The following UBE2E2 variants were observed in gnomAD, a reference collection of about 807,000 sequenced individuals.
UBE2E2 encodes the protein ubiquitin conjugating enzyme E2 E2.
A neutral mutation model predicts 24.7 loss-of-function variants in UBE2E2; 6 were observed. That is an observed-to-expected ratio of 0.24 (90% confidence interval 0.13 to 0.48). UBE2E2 has a LOEUF of 0.48. Ranked by LOEUF, UBE2E2 falls within the 20% of genes least tolerant of loss-of-function variation. The pLI, the probability that UBE2E2 is intolerant of heterozygous loss-of-function variation, is 0.99. For synonymous variants in UBE2E2, 104 were observed against 83.6 expected (o/e 1.24, Z -1.33); for missense variants, 169 against 245.0 (o/e 0.69, Z 2.07).
chr3:23,222,726 T>C (rs906210104), intron 3 of UBE2E2, among the ~76,000 whole-genome samples: 26 of 152,152 alleles, frequency 1.7e-4, no homozygotes, highest in African/African-American at 6.3e-4. Flanking sequence ...TATATAAATA[T>C]ATATACCCAG....
chr3:23,298,244 T>G (rs939669058), intron 3 of UBE2E2, among the ~76,000 whole-genome samples: 2 of 152,186 alleles, frequency 1.3e-5, no homozygotes, highest in African/African-American at 4.8e-5. Context: ...CAGGGACAAT[T>G]TGACTTCCTC....
chr3:23,263,875 T>G (rs1204290124), intron 3 of UBE2E2, among the ~76,000 whole-genome samples: 1 of 152,174 alleles, frequency 6.6e-6, no homozygotes, highest in Non-Finnish European at 1.5e-5. Flanking sequence ...ATAGGTCAGT[T>G]GTATCTTAGA....
rs79643947 is a variant in UBE2E2, at chr3:23,359,328, A to G, written c.228-140280A>G. On this transcript the variant is annotated intron_variant, in intron 3 of 5. Coordinates refer to ENST00000396703, the MANE Select transcript of UBE2E2 (RefSeq NM_152653.4). ...CAGGTTTTTAGAATGTAGATCAACA[A>G]GATAAGAGTTGTACTAGGCCTTCAT... is the stretch of plus-strand genomic sequence containing the variant. Among the ~76,000 whole-genome samples, 76 of 152,306 alleles carry G rather than the reference A, an allele frequency of 5.0e-4. No individual in the cohort carries two copies. The East Asian group carries it at 5.8e-3, about 12-fold the overall frequency.
In UBE2E2 at chr3:23,380,774, C is replaced by T. The variant is rs569553033; in HGVS notation, c.228-118834C>T. On this transcript the variant is annotated intron_variant, in intron 3 of 5. Transcript: ENST00000396703. ...CCCCCTTGATTTAGAATTGGATTCT[C>T]TAGTACTCTGTATTTCAGGTACAGT... 3.3e-5 allele frequency among the ~76,000 whole-genome samples: 5 copies of T among 152,264 alleles called. No homozygotes were observed. The South Asian group carries it at 1.0e-3, about 32-fold the overall frequency.
intron 1 of UBE2E2, 106 bp downstream of exon 1, chr3:23,203,570 T>C: frequency 1.4e-6 from 1 of 698,586 alleles, no homozygotes; most frequent in Non-Finnish European, 1.8e-6. Context: ...GGTCTCTGCT[T>C]ACACCGCTCG....
At chr3:23,212,048 T>C (rs1268747438) in intron 2 of UBE2E2, among the ~76,000 whole-genome samples, 2 of 152,226 alleles carry the variant, frequency 1.3e-5, no homozygotes, top group African/African-American at 4.8e-5. Flanking sequence ...TGCTCAGTTA[T>C]TATATGAAAT....
chr3:23,329,883 A>G (rs549965354), intron 3 of UBE2E2, among the ~76,000 whole-genome samples: 1 of 152,346 alleles, frequency 6.6e-6, no homozygotes, highest in Non-Finnish European at 1.5e-5. Context: ...TTAAAACTTG[A>G]CCACTCTGGA....
intron 3 of UBE2E2, among the ~76,000 whole-genome samples, chr3:23,457,591 C>G (rs1198247333): frequency 1.3e-5 from 2 of 152,086 alleles, no homozygotes; most frequent in East Asian, 3.9e-4. Context: ...GTGGCGTGAT[C>G]ACAGCTCACT....
chr3:23,566,031 A>G (rs1328474914), intron 5 of UBE2E2, among the ~76,000 whole-genome samples: 1 of 152,200 alleles, frequency 6.6e-6, no homozygotes, highest in Non-Finnish European at 1.5e-5. Flanking sequence ...GTTTTAATGT[A>G]TAAGCCAACA....
chr3:23,368,610 CTA>C (rs763532927), intron 3 of UBE2E2, among the ~76,000 whole-genome samples: 1 of 152,122 alleles, frequency 6.6e-6, no homozygotes, highest in Admixed American at 6.5e-5. Flanking sequence ...GAATACTTTT[CTA>C]TGTTATTATT....
intron 3 of UBE2E2, among the ~76,000 whole-genome samples, chr3:23,249,928 C>G (rs578236026): frequency 2.0e-5 from 3 of 152,250 alleles, no homozygotes; most frequent in East Asian, 1.9e-4. Context: ...AGTGCTGGGA[C>G]TACAGGCGTG....
chr3:23,217,894 A>G (rs1696521921), intron 3 of UBE2E2, among the ~76,000 whole-genome samples: 1 of 152,104 alleles, frequency 6.6e-6, no homozygotes, highest in African/African-American at 2.4e-5. Context: ...TTACCTGGAA[A>G]TGGTTAATGT....
intron 2 of UBE2E2, among the ~76,000 whole-genome samples, chr3:23,215,932 C>T (rs1696464291): frequency 6.6e-6 from 1 of 152,080 alleles, no homozygotes; most frequent in Non-Finnish European, 1.5e-5. Flanking sequence ...TAAATATGGG[C>T]AATATGTACT....
intron 3 of UBE2E2, among the ~76,000 whole-genome samples, chr3:23,356,993 T>C (rs1413449074): frequency 1.3e-5 from 2 of 152,212 alleles, no homozygotes; most frequent in African/African-American, 2.4e-5. Context: ...AGTTTAGCAA[T>C]CCAGACTGCT....
rs1433484693 is a variant in UBE2E2, at chr3:23,590,873, G to GA, written c.*1045dup. ...GTAACTCCAAAAATAGCCTTCTTGTGAAAGTGAAGTCTGAGCTAATCATTG... is the reference window on the plus strand; with the variant it reads ...GTAACTCCAAAAATAGCCTTCTTGTGAAAAGTGAAGTCTGAGCTAATCATTG... On this transcript the variant is annotated 3_prime_UTR_variant, in exon 6 of 6. Transcript: ENST00000396703. The GA allele has an allele frequency of 3.9e-5, 6 of 152,156 alleles. No homozygotes were observed. Among genetic ancestry groups the GA allele is most frequent in the African/African-American group, 1.4e-4 (6 of 41,424 alleles). 9.4% of individuals were successfully genotyped at this position (152,156 alleles called of 1,614,324 possible).
chr3:23,248,952 A>G (rs775367352), intron 3 of UBE2E2, among the ~76,000 whole-genome samples: 59 of 152,176 alleles, frequency 3.9e-4, no homozygotes, highest in Non-Finnish European at 6.2e-4. Context: ...TGAGTATGCA[A>G]TTTTTGCCTT....
At chr3:23,482,602 A>G (rs1699280881) in intron 3 of UBE2E2, among the ~76,000 whole-genome samples, 1 of 152,202 alleles carries the variant, frequency 6.6e-6, no homozygotes, top group Admixed American at 6.5e-5. Flanking sequence ...ACTAAAGGAA[A>G]GAAGGAAGGA....
At chr3:23,491,382 C>G (rs1404349427) in intron 3 of UBE2E2, among the ~76,000 whole-genome samples, 1 of 152,088 alleles carries the variant, frequency 6.6e-6, no homozygotes, top group Non-Finnish European at 1.5e-5. Context: ...AAATTAGAGG[C>G]CTATGTCTAT....
At chr3:23,272,821 G>C (rs769369677) in intron 3 of UBE2E2, among the ~76,000 whole-genome samples, 9 of 152,166 alleles carry the variant, frequency 5.9e-5, no homozygotes, top group African/African-American at 9.7e-5. Flanking sequence ...AGAACCAGGA[G>C]AGCCAGTAGT....
Sources: gnomAD v4.1 joint callset for allele counts (sites outside exome capture counted in the v4.1 genomes callset) on GRCh38, gnomAD v4.1.1 for gene constraint, MANE v1.5 for transcripts, NCBI Gene and HGNC (gene_info 2026-07-23, HGNC 2026-07-21) for gene names.